The following LRRC39 variants were observed in gnomAD, a reference collection of about 807,000 sequenced individuals.
LRRC39 encodes the protein leucine rich repeat containing 39, also known as leucine-rich repeat-containing protein 39.
LRRC39 carries 35 observed loss-of-function variants against 39.7 expected under a neutral mutation model. The ratio of observed to expected loss-of-function variants is 0.88; its 90% CI spans 0.67 to 1.17. The LOEUF (loss-of-function observed/expected upper bound fraction) is 1.17. LRRC39 is among the 50% of genes most tolerant of loss of function. The probability of loss-of-function intolerance (pLI) is 0.00; values close to 1 mark genes in which losing one functional copy is unlikely to be tolerated. For missense variants in LRRC39, 357 were observed against 385.8 expected (o/e 0.93, Z 0.62); for synonymous variants, 113 against 134.1 (o/e 0.84, Z 1.09).
intron 3 of LRRC39, among the ~76,000 whole-genome samples, chr1:100,163,312 A>G (rs982841510): frequency 3.9e-5 from 6 of 152,222 alleles, no homozygotes; most frequent in Non-Finnish European, 7.3e-5. Context: ...TAACCATTAT[A>G]GCCAAGTACT....
chr1:100,174,324 G>T (rs1404705000), intron 1 of LRRC39, among the ~76,000 whole-genome samples: 1 of 151,446 alleles, frequency 6.6e-6, no homozygotes, highest in Non-Finnish European at 1.5e-5. Flanking sequence ...TTTAGACAGG[G>T]TCTGGTTCTG....
At chr1:100,160,443 T>C in intron 4 of LRRC39, 23 bp downstream of exon 4, 1 of 1,592,624 alleles carries the variant, frequency 6.3e-7, no homozygotes, top group African/African-American at 1.3e-5. Flanking sequence ...ATGTGGAAAA[T>C]CAAATATTCT....
chr1:100,154,909 T>A, intron 8 of LRRC39, 142 bp downstream of exon 8: 1 of 688,852 alleles, frequency 1.5e-6, no homozygotes, highest in Non-Finnish European at 2.2e-6. Flanking sequence ...AATTATAGAA[T>A]GTCAACATTG....
intron 8 of LRRC39, among the ~76,000 whole-genome samples, chr1:100,153,775 T>G (rs1450999596): frequency 6.6e-6 from 1 of 152,142 alleles, no homozygotes; most frequent in Non-Finnish European, 1.5e-5. Context: ...TTGTTTTGTT[T>G]TTAAGAAATA....
chr1:100,160,642 A>G (rs1408365651), intron 3 of LRRC39, 71 bp from the exon 4 acceptor site: 11 of 1,049,176 alleles, frequency 1.0e-5, no homozygotes, highest in African/African-American at 6.7e-5. Context: ...TTTTTTTTTG[A>G]GAGAGAGAGT....
chr1:100,155,563 C>A (rs1165357775), intron 7 of LRRC39, among the ~76,000 whole-genome samples: 7 of 152,200 alleles, frequency 4.6e-5, no homozygotes, highest in Non-Finnish European at 4.4e-5. Context: ...GAAATCAAAT[C>A]AACATATTCT....
intron 3 of LRRC39, among the ~76,000 whole-genome samples, chr1:100,166,085 T>C (rs140172758): frequency 2.6e-5 from 4 of 152,182 alleles, no homozygotes; most frequent in African/African-American, 2.4e-5. Context: ...TTGCTGACTG[T>C]CATGTAAGAT....
At chr1:100,156,376 C>A (rs1047981834) in intron 6 of LRRC39, 59 bp from the exon 7 acceptor site, 3 of 1,478,254 alleles carry the variant, frequency 2.0e-6, no homozygotes, top group South Asian at 2.7e-5. Context: ...TACTAAAAGA[C>A]TCACATTGGT....
At chr1:100,175,968 G>T (rs1659930570) in intron 1 of LRRC39, among the ~76,000 whole-genome samples, 1 of 152,120 alleles carries the variant, frequency 6.6e-6, no homozygotes, top group African/African-American at 2.4e-5. Context: ...TAACTATTTT[G>T]AAATACTTAT....
intron 9 of LRRC39, chr1:100,149,649 A>G: frequency 2.6e-6 from 1 of 385,324 alleles, no homozygotes; most frequent in South Asian, 3.9e-5. Context: ...ATAATTTGGA[A>G]TAAAATAGAA....
chr1:100,165,873 CTTT>C (rs370682819), intron 3 of LRRC39, among the ~76,000 whole-genome samples: 6 of 126,694 alleles, frequency 4.7e-5, no homozygotes, highest in Admixed American at 8.2e-5. Context: ...TTTCCCCTTT[CTTT>C]TTTTTTTTTT....
At chr1:100,166,253 C>A (rs981972576) in intron 3 of LRRC39, among the ~76,000 whole-genome samples, 1 of 151,956 alleles carries the variant, frequency 6.6e-6, no homozygotes, top group Non-Finnish European at 1.5e-5. Flanking sequence ...AAATTGGTAC[C>A]GATAGAGTGG....
Position 100,149,256 on chromosome 1 carries a change from T to C in LRRC39, c.953-159A>G, listed in dbSNP as rs1219429682. The C allele has an allele frequency of 9.9e-6, 15 of 1,514,670 alleles. No individual in the cohort carries two copies. The South Asian group carries it at 1.5e-4, about 15-fold the overall frequency. The allele number at this position is 1,514,670 out of a possible 1,614,324, so 93.8% of individuals were successfully genotyped here. A position where few individuals can be genotyped will look rare whatever the true frequency, so the allele number is the denominator to read the frequency against. ...AGGGCCAATCTGAGAATTTGACTTA[T>C]ATGTGGACATTTTTCCCTACAGATC... On this transcript the variant is annotated intron_variant, in intron 9 of 9. Coordinates refer to ENST00000370137, the MANE Select transcript of LRRC39 (RefSeq NM_144620.4).
intron 8 of LRRC39, among the ~76,000 whole-genome samples, chr1:100,154,478 GAAAA>G (rs1206662038): frequency 6.6e-6 from 1 of 152,008 alleles, no homozygotes; most frequent in African/African-American, 2.4e-5. Flanking sequence ...ACATAATAAA[GAAAA>G]GACAAAAATA....
In LRRC39 at chr1:100,155,156, CATGTT is replaced by C; in HGVS notation, c.702_706del (p.Ile234MetfsTer21). ...CATATTGCTGATTGTTTGAGGCAAG[CATGTT>C]ATTTCATTTCGTTGCAGCCATAACG... On this transcript the variant is annotated frameshift_variant, in exon 8 of 10. Transcript: ENST00000370137. LOFTEE classifies it high-confidence loss of function. The C allele has an allele frequency of 1.2e-6, 2 of 1,609,258 alleles. No individual in the cohort carries two copies. Among genetic ancestry groups the C allele is most frequent in the South Asian group, 2.2e-5 (2 of 89,946 alleles).
At chr1:100,150,452 C>T (rs907102314) in intron 9 of LRRC39, 4 of 152,154 alleles carry the variant, frequency 2.6e-5, no homozygotes, top group South Asian at 2.1e-4. Context: ...TGTTTTGCAT[C>T]ATTCAACAAT....
upstream of LRRC39, among the ~76,000 whole-genome samples, chr1:100,179,499 CA>C (rs60588308): frequency 0.013 from 578 of 45,580 alleles, 3 homozygotes; most frequent in African/African-American, 0.045. Flanking sequence ...CTGTATCTAC[CA>C]AAAAAAAAAA....
In LRRC39 at chr1:100,160,564, G is replaced by T. The variant is rs201143796; in HGVS notation, c.121C>A (p.Arg41=). 2.4e-5 allele frequency: 38 copies of T among 1,608,006 alleles called. No individual in the cohort carries two copies. The Admixed American group carries it at 5.9e-4, about 25-fold the overall frequency. ...AAGCTTACTCGTTCTTCCCAGATCCGCACTAGCCTAGGAAACCAGGAAATC... is the reference window on the plus strand; with the variant it reads ...AAGCTTACTCGTTCTTCCCAGATCCTCACTAGCCTAGGAAACCAGGAAATC... ...REKEFQHKLV[R]IWEERVSLTK... The change falls in exon 4 of 10, where the codon CGG becomes AGG. Residue 41 remains arginine (R), a synonymous_variant. Transcript: ENST00000370137.
intron 3 of LRRC39, among the ~76,000 whole-genome samples, chr1:100,165,250 A>G (rs1570773863): frequency 6.6e-6 from 1 of 152,318 alleles, no homozygotes; most frequent in East Asian, 1.9e-4. Flanking sequence ...TTTGGAAATT[A>G]CATTTTGCTA....
Sources: gnomAD v4.1 joint callset for allele counts (sites outside exome capture counted in the v4.1 genomes callset) on GRCh38, gnomAD v4.1.1 for gene constraint, MANE v1.5 for transcripts, NCBI Gene and HGNC (gene_info 2026-07-23, HGNC 2026-07-21) for gene names.